Variants in TMEM132B observed in about 807,000 individuals in gnomAD.
TMEM132B encodes transmembrane protein 132B.
A neutral mutation model predicts 90.8 loss-of-function variants in TMEM132B; 18 were observed. The ratio of observed to expected loss-of-function variants is 0.20; its 90% CI spans 0.14 to 0.29. The LOEUF is 0.29. Ranked by LOEUF, TMEM132B falls within the 10% of genes least tolerant of loss-of-function variation. The pLI is 1.00. For synonymous variants in TMEM132B, 504 were observed against 523.3 expected (o/e 0.96, Z 0.50); for missense variants, 1,096 against 1,326.8 (o/e 0.83, Z 2.70).
intron 3 of TMEM132B, among the ~76,000 whole-genome samples, chr12:125,429,603 T>A (rs1880436898): frequency 6.6e-6 from 1 of 152,168 alleles, no homozygotes; most frequent in South Asian, 2.1e-4. Context: ...CCTTTCCTGT[T>A]TTAGATGACC....
chr12:125,197,544 C>T lies in TMEM132B; in HGVS notation c.67+10678C>T, dbSNP rs111355883. Among the ~76,000 whole-genome samples, 676 of 152,308 alleles carry T rather than the reference C, an allele frequency of 4.4e-3. 6 individuals carry two copies. The highest frequency in any genetic ancestry group is 0.015 in the African/African-American group (620 of 41,570). ...TAAATAAAGTTTTATTGGAACACAG[C>T]GGTGCCTATTTGTTTACATATTGTC... is the stretch of plus-strand genomic sequence containing the variant. On this transcript the variant is annotated intron_variant, in intron 1 of 8. Transcript: ENST00000682704.
chr12:125,516,739 C>T (rs114185853), intron 3 of TMEM132B, among the ~76,000 whole-genome samples: 2,747 of 152,308 alleles, frequency 0.018, 68 homozygotes, highest in African/African-American at 0.062. Flanking sequence ...ACTGGATCTT[C>T]GCTTCCCTGG....
At chr12:125,217,548 G>A (rs1873464614) in intron 1 of TMEM132B, among the ~76,000 whole-genome samples, 1 of 152,148 alleles carries the variant, frequency 6.6e-6, no homozygotes, top group Non-Finnish European at 1.5e-5. Context: ...CCAGGCTTAG[G>A]CGATCCTCCC....
rs141352852 is a variant in TMEM132B, at chr12:125,524,592, A to T, written c.1293+4967A>T. Among the ~76,000 whole-genome samples, 47 of 152,380 alleles carry T rather than the reference A, an allele frequency of 3.1e-4. No homozygotes were observed. In the South Asian group the frequency reaches 6.0e-3, roughly 19 times the overall value. ...GATAGTTTTGTGAGGATTAAATGATATACTAAGGTAAAGTGTTTGCCCATT... is the reference window on the plus strand; with the variant it reads ...GATAGTTTTGTGAGGATTAAATGATTTACTAAGGTAAAGTGTTTGCCCATT... On this transcript the variant is annotated intron_variant, in intron 4 of 8. Coordinates refer to ENST00000682704, the MANE Select transcript of TMEM132B (RefSeq NM_001366854.1).
chr12:125,187,248 A>G (rs1376692811), intron 1 of TMEM132B, among the ~76,000 whole-genome samples: 2 of 151,998 alleles, frequency 1.3e-5, no homozygotes, highest in Non-Finnish European at 2.9e-5. Context: ...GGGGGCGTCG[A>G]CGCAGCCCTT....
Position 125,186,731 on chromosome 12 carries a change from G to A in TMEM132B, c.-69G>A, listed in dbSNP as rs1278169140. ...GGCGTAGCCGCCGGGGGCTGCTCCG[G>A]GAGCCGCGGGCCGGGCCGGGCGCGC... On this transcript the variant is annotated 5_prime_UTR_variant, in exon 1 of 9. Coordinates refer to ENST00000682704, the MANE Select transcript of TMEM132B (RefSeq NM_001366854.1). The surrounding 1 kb of genome is among the most constrained non-coding windows in gnomAD (Gnocchi z 6.3). 2 of 146,794 alleles carry A rather than the reference G, an allele frequency of 1.4e-5. No homozygotes were observed. The highest frequency in any genetic ancestry group is 3.0e-5 in the Non-Finnish European group (2 of 65,984). 9.1% of individuals were successfully genotyped at this position (146,794 alleles called of 1,614,324 possible).
chr12:125,595,492 G>C (rs1323262660), intron 5 of TMEM132B, among the ~76,000 whole-genome samples: 1 of 152,142 alleles, frequency 6.6e-6, no homozygotes, highest in East Asian at 1.9e-4. Flanking sequence ...TTGAGCACTT[G>C]CTATGTGCTC....
chr12:125,529,756 G>A (rs144690673), intron 4 of TMEM132B, among the ~76,000 whole-genome samples: 13 of 152,298 alleles, frequency 8.5e-5, no homozygotes, highest in South Asian at 2.1e-4. Flanking sequence ...CTTGTCTTTC[G>A]TCTTTTGTTT....
intron 2 of TMEM132B, among the ~76,000 whole-genome samples, chr12:125,398,775 T>G (rs908383437): frequency 2.0e-5 from 3 of 152,174 alleles, no homozygotes; most frequent in African/African-American, 7.2e-5. Flanking sequence ...CTTAAAGGCT[T>G]AAAACATCAC....
In TMEM132B at chr12:125,655,017, G is replaced by C. The variant is rs545860674; in HGVS notation, c.*307G>C. The C allele has an allele frequency of 3.8e-6, 1 of 263,818 alleles. No individual in the cohort carries two copies. Among genetic ancestry groups the C allele is most frequent in the Non-Finnish European group, 7.2e-6 (1 of 139,102 alleles). 16.3% of individuals were successfully genotyped at this position (263,818 alleles called of 1,614,324 possible). A position where few individuals can be genotyped will look rare whatever the true frequency, so the allele number is the denominator to read the frequency against. On this transcript the variant is annotated 3_prime_UTR_variant, in exon 9 of 9. Transcript: ENST00000682704. ...CCCCACAGACATTGTTAGTCATCTC[G>C]TGACAAATGGCCATGTGGAATTAGA... is the stretch of plus-strand genomic sequence containing the variant.
intron 1 of TMEM132B, among the ~76,000 whole-genome samples, chr12:125,220,907 C>T (rs1873542156): frequency 6.6e-6 from 1 of 152,388 alleles, no homozygotes; most frequent in Non-Finnish European, 1.5e-5. Context: ...CTTTGTCAGC[C>T]ACTGGCCTCC....
intron 2 of TMEM132B, among the ~76,000 whole-genome samples, chr12:125,411,453 G>A (rs1297720303): frequency 6.6e-6 from 1 of 151,630 alleles, no homozygotes; most frequent in Non-Finnish European, 1.5e-5. Context: ...CCATGGCATG[G>A]GTATACCTAT....
intron 5 of TMEM132B, among the ~76,000 whole-genome samples, chr12:125,589,769 C>G (rs1885276439): frequency 6.6e-6 from 1 of 152,102 alleles, no homozygotes. Context: ...GAGGACAGTA[C>G]TAAGTGGGAT....
chr12:125,652,864 TC>T (rs1332436330), intron 8 of TMEM132B, among the ~76,000 whole-genome samples: 1 of 152,224 alleles, frequency 6.6e-6, no homozygotes, highest in African/African-American at 2.4e-5. Context: ...CCATTTGCTT[TC>T]CCCTGGGCTT....
At chr12:125,241,629 C>T (rs1244942786) in intron 1 of TMEM132B, among the ~76,000 whole-genome samples, 1 of 152,172 alleles carries the variant, frequency 6.6e-6, no homozygotes, top group Non-Finnish European at 1.5e-5. Flanking sequence ...CATGGTTCCG[C>T]TGGCACCTTG....
chr12:125,537,520 T>C (rs1381249087), intron 4 of TMEM132B, among the ~76,000 whole-genome samples: 1 of 152,164 alleles, frequency 6.6e-6, no homozygotes, highest in Non-Finnish European at 1.5e-5. Context: ...ACATCCATTC[T>C]TGACAATGGC....
intron 1 of TMEM132B, among the ~76,000 whole-genome samples, chr12:125,273,348 T>C (rs1437685225): frequency 1.3e-5 from 2 of 152,026 alleles, no homozygotes; most frequent in South Asian, 2.1e-4. Flanking sequence ...GCACTTTGGG[T>C]GGCCGAGGTG....
intron 2 of TMEM132B, among the ~76,000 whole-genome samples, chr12:125,390,929 A>G (rs1474366774): frequency 2.0e-5 from 3 of 152,218 alleles, no homozygotes; most frequent in Non-Finnish European, 2.9e-5. Context: ...GTGATTTGTC[A>G]TGCAGCAGGA....
At chr12:125,589,399 G>A (rs1208015872) in intron 5 of TMEM132B, among the ~76,000 whole-genome samples, 5 of 150,568 alleles carry the variant, frequency 3.3e-5, no homozygotes, top group East Asian at 2.0e-4. Flanking sequence ...GGAGAATGGC[G>A]TGAACCCGGG....
Sources: allele counts gnomAD v4.1 joint callset (sites outside exome capture counted in the v4.1 genomes callset), GRCh38; gene constraint gnomAD v4.1.1; non-coding constraint Gnocchi (gnomAD v3.1); transcripts MANE v1.5; gene names NCBI Gene and HGNC (gene_info 2026-07-23, HGNC 2026-07-21).